Variants in LAMC2 observed in about 807,000 individuals in gnomAD.
LAMC2 encodes the protein laminin subunit gamma-2.
LAMC2 carries 97 observed loss-of-function variants against 140.2 expected under a neutral mutation model. The observed-to-expected ratio is 0.69, with a 90% CI of 0.59 to 0.82. LAMC2 has a LOEUF of 0.82. LAMC2 is among the 40% of genes least tolerant of loss of function. The pLI is 0.00. For missense variants in LAMC2, 1,402 were observed against 1,476.1 expected, an observed-to-expected ratio of 0.95 and a Z score of 0.82; for synonymous variants, 513 against 540.2, an observed-to-expected ratio of 0.95 and a Z score of 0.70.
rs118203901 is a variant in LAMC2 at position 183,222,181 on chromosome 1, C to T, written c.733C>T (p.Arg245Ter). 6.8e-6 allele frequency: 11 copies of T among 1,613,996 alleles called. No individual in the cohort carries two copies. The highest frequency in any genetic ancestry group is 1.3e-5 in the African/African-American group (1 of 74,920). The change falls in exon 6 of 23, where the codon CGA becomes TGA. Residue 245 changes from arginine (R) to a stop codon, truncating the protein, a stop_gained. Coordinates refer to ENST00000264144, the MANE Select transcript of LAMC2 (RefSeq NM_005562.3). LOFTEE classifies it high-confidence loss of function. ...TCAAGATGTGTTTAGCTCAGCCCAA[C>T]GACTAGACCCTGTCTATTTTGTGGC... ...RHQDVFSSAQRLDPVYFVAPA... is the reference protein window; with the variant it reads ...RHQDVFSSAQ
intron 1 of LAMC2, among the ~76,000 whole-genome samples, chr1:183,201,780 T>C (rs1279529750): frequency 1.3e-5 from 2 of 152,184 alleles, no homozygotes; most frequent in African/African-American, 4.8e-5. Context: ...TTCAGAAGAT[T>C]ATAAAAGCTC....
At chr1:183,194,741 T>C (rs887166148) in intron 1 of LAMC2, among the ~76,000 whole-genome samples, 8 of 152,222 alleles carry the variant, frequency 5.3e-5, no homozygotes, top group African/African-American at 1.9e-4. Context: ...AACTGCTTCT[T>C]AGAGGGGCAT....
chr1:183,251,491 C>T, the LAMC2 span: 1 of 152,302 alleles, frequency 6.6e-6, no homozygotes, highest in African/African-American at 2.4e-5. Context: ...TGAGTGGACT[C>T]CTAGTGTTTT....
At chr1:183,203,817 C>T (rs1198978439) in intron 1 of LAMC2, among the ~76,000 whole-genome samples, 2 of 152,094 alleles carry the variant, frequency 1.3e-5, no homozygotes, top group African/African-American at 4.8e-5. Flanking sequence ...AGACATGAGG[C>T]CCATACATCC....
intron 7 of LAMC2, among the ~76,000 whole-genome samples, chr1:183,225,102 T>C (rs1659586833): frequency 6.6e-6 from 1 of 152,162 alleles, no homozygotes; most frequent in Non-Finnish European, 1.5e-5. Context: ...CAGGGGCTGG[T>C]GATATGTTAC....
chr1:183,247,511 C>T (rs1660263277), downstream of LAMC2, among the ~76,000 whole-genome samples: 2 of 144,230 alleles, frequency 1.4e-5, no homozygotes, highest in African/African-American at 5.3e-5. Flanking sequence ...ACAAAGCTGC[C>T]ACATCTCAAT....
chr1:183,187,974 A>G (rs1369948563), intron 1 of LAMC2, among the ~76,000 whole-genome samples: 1 of 152,230 alleles, frequency 6.6e-6, no homozygotes, highest in East Asian at 1.9e-4. Context: ...CTTGTTGGCT[A>G]TAGTTGAGTA....
intron 4 of LAMC2, 74 bp downstream of exon 4, chr1:183,218,562 G>C: frequency 2.7e-6 from 3 of 1,116,790 alleles, no homozygotes; most frequent in South Asian, 2.6e-5. Flanking sequence ...AATCCTCCGA[G>C]TGTAATTATG....
chr1:183,213,560 G>T (rs1042259143), intron 2 of LAMC2, among the ~76,000 whole-genome samples: 3 of 152,110 alleles, frequency 2.0e-5, no homozygotes, highest in African/African-American at 7.2e-5. Flanking sequence ...CCAGCACTTT[G>T]GGAGGCTGAG....
chr1:183,216,407 C>T (rs573534038), intron 3 of LAMC2, among the ~76,000 whole-genome samples: 1 of 152,322 alleles, frequency 6.6e-6, no homozygotes, highest in South Asian at 2.1e-4. Flanking sequence ...CTCCCCGCCC[C>T]AATTCAGAAT....
At position 183,223,749 on chromosome 1, in the gene LAMC2, A is replaced by G. The variant is rs191273898; in HGVS notation, c.953+425A>G. Among the ~76,000 whole-genome samples the G allele has an allele frequency of 4.2e-3, 641 of 152,362 alleles. 1 individual carries two copies. Among genetic ancestry groups the G allele is most frequent in the Admixed American group, 5.8e-3 (89 of 15,304 alleles). On this transcript the variant is annotated intron_variant, in intron 7 of 22. Coordinates refer to ENST00000264144, the MANE Select transcript of LAMC2 (RefSeq NM_005562.3). ...ATGCTTGAAGAAGGTTTGTGCATTT[A>G]GAAAATTCCAGGTGGTTGAGCACGA... is the stretch of plus-strand genomic sequence containing the variant.
chr1:183,219,991 G>C (rs757402854), intron 4 of LAMC2, among the ~76,000 whole-genome samples: 1 of 152,220 alleles, frequency 6.6e-6, no homozygotes, highest in African/African-American at 2.4e-5. Flanking sequence ...TTGGAGGGAG[G>C]TTAAATGAGA....
At chr1:183,216,633 C>T (rs1659267759) in intron 3 of LAMC2, among the ~76,000 whole-genome samples, 1 of 152,198 alleles carries the variant, frequency 6.6e-6, no homozygotes, top group African/African-American at 2.4e-5. Context: ...GCCTCCTGCT[C>T]CATCCCCACC....
chr1:183,204,495 G>A (rs1482979775), intron 1 of LAMC2, among the ~76,000 whole-genome samples: 1 of 150,928 alleles, frequency 6.6e-6, no homozygotes, highest in Non-Finnish European at 1.5e-5. Context: ...AGTTGGGCAT[G>A]GTGGCACACG....
At chr1:183,230,878 T>G in intron 11 of LAMC2, 83 bp from the exon 12 acceptor site, 129 of 1,498,424 alleles carry the variant, frequency 8.6e-5, no homozygotes, top group East Asian at 1.6e-4. Context: ...GTTGGAGGCT[T>G]GATCTCCTTC....
At chr1:183,190,023 T>A (rs1374276826) in intron 1 of LAMC2, among the ~76,000 whole-genome samples, 1 of 152,168 alleles carries the variant, frequency 6.6e-6, no homozygotes, top group Non-Finnish European at 1.5e-5. Flanking sequence ...ATCATTGAAG[T>A]GGTATAGCAT....
chr1:183,253,147 G>T, the LAMC2 span, among the ~76,000 whole-genome samples: 314 of 151,200 alleles, frequency 2.1e-3, 2 homozygotes, highest in African/African-American at 6.7e-3. Context: ...AAATTGTATT[G>T]TGTATATTTA....
intron 1 of LAMC2, among the ~76,000 whole-genome samples, chr1:183,204,867 C>G (rs601508): frequency 0.55 from 83,525 of 151,722 alleles, 23,233 homozygotes; most frequent in East Asian, 0.66. Flanking sequence ...TTGTCACCCA[C>G]AGTAGAGTGC....
chr1:183,227,823 T>C (rs1410730758), intron 10 of LAMC2, 126 bp downstream of exon 10: 1 of 859,256 alleles, frequency 1.2e-6, no homozygotes, highest in Non-Finnish European at 1.9e-6. Context: ...CCAAATGTGC[T>C]CACTCTAAAG....
Sources: allele counts gnomAD v4.1 joint callset (sites outside exome capture counted in the v4.1 genomes callset), GRCh38; gene constraint gnomAD v4.1.1; transcripts MANE v1.5; gene names NCBI Gene and HGNC (gene_info 2026-07-23, HGNC 2026-07-21).